Variants in PDE3B observed in about 807,000 individuals in gnomAD.
PDE3B encodes phosphodiesterase 3B.
Under a neutral mutation model 116.8 loss-of-function variants are expected in PDE3B, and 66 were observed. The ratio of observed to expected loss-of-function variants is 0.56; its 90% CI spans 0.46 to 0.69. The LOEUF (loss-of-function observed/expected upper bound fraction) is 0.69. Among genes scored for constraint, PDE3B ranks in the 30% least tolerant of loss-of-function variants. The pLI is 0.00. For missense variants in PDE3B, 1,384 were observed against 1,368.1 expected, an observed-to-expected ratio of 1.01 and a Z score of -0.18; for synonymous variants, 595 against 533.6, an observed-to-expected ratio of 1.12 and a Z score of -1.59.
intron 2 of PDE3B, among the ~76,000 whole-genome samples, chr11:14,780,744 C>T (rs1857965164): frequency 6.6e-6 from 1 of 152,002 alleles, no homozygotes; most frequent in Non-Finnish European, 1.5e-5. Context: ...CCTAATATCA[C>T]AATTAAAAGA....
At chr11:14,767,459 A>C (rs1176249211) in intron 1 of PDE3B, among the ~76,000 whole-genome samples, 1 of 151,556 alleles carries the variant, frequency 6.6e-6, no homozygotes, top group Non-Finnish European at 1.5e-5. Flanking sequence ...ATTCCGAGCT[A>C]TTTATGTTAC....
the PDE3B span, chr11:14,891,191 GGCATTTCCGTGCT>G: frequency 2.2e-5 from 22 of 985,310 alleles, no homozygotes; most frequent in Non-Finnish European, 2.5e-5. Flanking sequence ...CCAGTCACAG[GGCATTTCCGTGCT>G]GCTTTCCCCT....
chr11:14,779,080 A>G (rs1161623464), intron 2 of PDE3B, among the ~76,000 whole-genome samples: 2 of 152,148 alleles, frequency 1.3e-5, no homozygotes, highest in African/African-American at 4.8e-5. Context: ...TCAGTGATTG[A>G]AGATCAGATG....
At chr11:14,708,357 A>C (rs1855593923) in intron 1 of PDE3B, among the ~76,000 whole-genome samples, 1 of 152,094 alleles carries the variant, frequency 6.6e-6, no homozygotes, top group Non-Finnish European at 1.5e-5. Context: ...TCATGAGCCA[A>C]ATAAATCCTT....
At chr11:14,767,238 A>C (rs965066831) in intron 1 of PDE3B, among the ~76,000 whole-genome samples, 1 of 151,550 alleles carries the variant, frequency 6.6e-6, no homozygotes, top group Non-Finnish European at 1.5e-5. Context: ...CCATAGCTTC[A>C]TGTCATTATT....
chr11:14,891,986 C>G, the PDE3B span: 4 of 1,613,190 alleles, frequency 2.5e-6, no homozygotes, highest in East Asian at 2.2e-5. Flanking sequence ...TGTACCTCTC[C>G]GTACACCTGG....
At chr11:14,798,787 A>G (rs185125498) in intron 4 of PDE3B, among the ~76,000 whole-genome samples, 2 of 152,214 alleles carry the variant, frequency 1.3e-5, no homozygotes, top group South Asian at 2.1e-4. Context: ...TATCCCCTGT[A>G]TCATTTTTTA....
rs564624925 is a variant in PDE3B at position 14,851,951 on chromosome 11, A to G, written c.2521-7092A>G. Among the ~76,000 whole-genome samples the G allele has an allele frequency of 1.2e-4, 18 of 152,368 alleles. No individual in the cohort carries two copies. In the South Asian group the frequency reaches 3.5e-3, roughly 30 times the overall value. Reference sequence around the variant, plus strand: ...AGTTATCTGATATGATTAAGGAGGTAACATATGGAAGGTTTTATACTGTTT... The same window carrying G: ...AGTTATCTGATATGATTAAGGAGGTGACATATGGAAGGTTTTATACTGTTT... On this transcript the variant is annotated intron_variant, in intron 12 of 15. Transcript: ENST00000282096.
At chr11:14,671,281 G>A (rs1241813109) in intron 1 of PDE3B, among the ~76,000 whole-genome samples, 2 of 152,128 alleles carry the variant, frequency 1.3e-5, no homozygotes, top group Non-Finnish European at 2.9e-5. Flanking sequence ...ATGGTAGGAA[G>A]GGAAAGCCTC....
chr11:14,770,688 G>T (rs1857614309), intron 1 of PDE3B, among the ~76,000 whole-genome samples: 1 of 151,460 alleles, frequency 6.6e-6, no homozygotes, highest in Non-Finnish European at 1.5e-5. Context: ...CCATTTTGTG[G>T]GCACTGGTTC....
intron 12 of PDE3B, among the ~76,000 whole-genome samples, chr11:14,856,094 T>C (rs1452597731): frequency 6.6e-6 from 1 of 152,204 alleles, no homozygotes; most frequent in Non-Finnish European, 1.5e-5. Context: ...GGGGGCAGGT[T>C]CTCCCATGCT....
chr11:14,658,077 T>C (rs1415849192), intron 1 of PDE3B, among the ~76,000 whole-genome samples: 3 of 152,124 alleles, frequency 2.0e-5, no homozygotes, highest in Non-Finnish European at 4.4e-5. Flanking sequence ...GAACTTCTGC[T>C]TCCATCTAGT....
At chr11:14,688,130 TCTCTCTCTCTCTCC>T (rs1430771461) in intron 1 of PDE3B, among the ~76,000 whole-genome samples, 9 of 137,918 alleles carry the variant, frequency 6.5e-5, no homozygotes, top group East Asian at 2.1e-4. Context: ...TCTCTCTCTC[TCTCTCTCTCTCTCC>T]CTCCCTCCCT....
chr11:14,724,974 C>T (rs1371649222), intron 1 of PDE3B, among the ~76,000 whole-genome samples: 2 of 152,072 alleles, frequency 1.3e-5, no homozygotes, highest in Non-Finnish European at 2.9e-5. Context: ...GTCATGGAAC[C>T]TAAACTGTAG....
chr11:14,730,790 T>C (rs920300895), intron 1 of PDE3B, among the ~76,000 whole-genome samples: 10 of 152,162 alleles, frequency 6.6e-5, no homozygotes, highest in African/African-American at 2.2e-4. Flanking sequence ...GCTCTAAAAG[T>C]ATAATGGAAG....
intron 1 of PDE3B, among the ~76,000 whole-genome samples, chr11:14,730,088 C>G (rs1856416262): frequency 1.3e-5 from 2 of 152,152 alleles, no homozygotes; most frequent in Non-Finnish European, 1.5e-5. Flanking sequence ...AAAATGAACA[C>G]TCACTTGCCC....
chr11:14,822,067 TA>T (rs1430327210), intron 7 of PDE3B, among the ~76,000 whole-genome samples: 1 of 151,918 alleles, frequency 6.6e-6, no homozygotes, highest in African/African-American at 2.4e-5. Context: ...CCCGGCTAAT[TA>T]AAAAAATTTT....
Position 14,832,779 on chromosome 11 carries a change from C to G in PDE3B, c.2152C>G (p.Gln718Glu). 1 of 1,540,140 alleles carries G rather than the reference C, an allele frequency of 6.5e-7. No individual in the cohort carries two copies. The highest frequency in any genetic ancestry group is 8.9e-7 in the Non-Finnish European group (1 of 1,120,858). ...ATTGGAAATATTTAAAATTCCCACT[C>G]AACAATTTATGAACTATTTTCGTGC... ...GLLEIFKIPTQQFMNYFRALE... is the reference protein window; with the variant it reads ...GLLEIFKIPTEQFMNYFRALE... The change falls in exon 10 of 16, where the codon CAA (glutamine) becomes GAA (glutamate). Residue 718 changes from glutamine to glutamate, a missense_variant. Coordinates refer to ENST00000282096, the MANE Select transcript of PDE3B (RefSeq NM_000922.4).
At chr11:14,685,419 T>C (rs567275017) in intron 1 of PDE3B, among the ~76,000 whole-genome samples, 30 of 149,520 alleles carry the variant, frequency 2.0e-4, no homozygotes, top group African/African-American at 7.1e-4. Context: ...GGAAGACAAT[T>C]AATCACTAAG....
Sources: allele counts gnomAD v4.1 joint callset (sites outside exome capture counted in the v4.1 genomes callset), GRCh38; gene constraint gnomAD v4.1.1; transcripts MANE v1.5; gene names NCBI Gene and HGNC (gene_info 2026-07-23, HGNC 2026-07-21).